The following ADGRB3 variants were observed in gnomAD, a reference collection of about 807,000 sequenced individuals.
ADGRB3 encodes adhesion G protein-coupled receptor B3, also known as brain-specific angiogenesis inhibitor 3.
A neutral mutation model predicts 193.4 loss-of-function variants in ADGRB3; 37 were observed. The ratio of observed to expected loss-of-function variants is 0.19; its 90% CI spans 0.15 to 0.25. The LOEUF is 0.25. ADGRB3 is among the 10% of genes least tolerant of loss of function. ADGRB3 has a pLI of 1.00. For missense variants in ADGRB3, 1,637 were observed against 1,852.9 expected (o/e 0.88, Z 2.14); for synonymous variants, 690 against 644.2 (o/e 1.07, Z -1.08).
At chr6:68,691,415 C>A (rs1426700719) in intron 3 of ADGRB3, among the ~76,000 whole-genome samples, 1 of 151,978 alleles carries the variant, frequency 6.6e-6, no homozygotes, top group Non-Finnish European at 1.5e-5. Flanking sequence ...TTTTATTCCT[C>A]TCAGGGAAAT....
intron 17 of ADGRB3, among the ~76,000 whole-genome samples, chr6:69,110,163 G>A (rs1773330838): frequency 1.3e-5 from 2 of 152,030 alleles, no homozygotes; most frequent in South Asian, 4.1e-4. Flanking sequence ...GGCCAGGCTG[G>A]TCTTGAACTC....
intron 17 of ADGRB3, among the ~76,000 whole-genome samples, chr6:69,230,986 G>A (rs1766122104): frequency 6.6e-6 from 1 of 152,230 alleles, no homozygotes; most frequent in Non-Finnish European, 1.5e-5. Context: ...CCTAGAGAAA[G>A]TGTGCATGAA....
chr6:68,818,384 C>A (rs1003330098), intron 3 of ADGRB3, among the ~76,000 whole-genome samples: 2 of 152,110 alleles, frequency 1.3e-5, no homozygotes, highest in Non-Finnish European at 2.9e-5. Flanking sequence ...GCCTGGCACA[C>A]AGCAGATCCT....
rs183733831 is a variant in ADGRB3 at position 69,057,724 on chromosome 6, T to G, written c.2334-5210T>G. On this transcript the variant is annotated intron_variant, in intron 15 of 31. Transcript: ENST00000370598. Reference sequence around the variant, plus strand: ...TTTGATCTTCATTCTGTAAATGTGATGTATTACACTGATTGATTCTCATTT... The same window carrying G: ...TTTGATCTTCATTCTGTAAATGTGAGGTATTACACTGATTGATTCTCATTT... 1.3e-3 allele frequency among the ~76,000 whole-genome samples: 191 copies of G among 152,222 alleles called. 1 individual carries two copies. Among genetic ancestry groups the G allele is most frequent in the African/African-American group, 4.5e-3 (188 of 41,582 alleles).
chr6:68,819,901 C>A lies in ADGRB3; in HGVS notation c.758-110658C>A, dbSNP rs149274161. Among the ~76,000 whole-genome samples the A allele has an allele frequency of 1.5e-3, 229 of 152,154 alleles. 6 individuals carry two copies. The East Asian group carries it at 0.042, about 28-fold the overall frequency. On this transcript the variant is annotated intron_variant, in intron 3 of 31. Coordinates refer to ENST00000370598, the MANE Select transcript of ADGRB3 (RefSeq NM_001704.3). ...AGTTACATCTTATTTCCCCGAATAT[C>A]ATCAAATACTTTTATTTCCATTAGC...
chr6:69,221,357 G>A (rs1765890049), intron 17 of ADGRB3, among the ~76,000 whole-genome samples: 1 of 152,064 alleles, frequency 6.6e-6, no homozygotes, highest in South Asian at 2.1e-4. Flanking sequence ...TTTCCTTTCA[G>A]CATGTGCTAT....
chr6:69,321,608 T>C (rs138762220), intron 20 of ADGRB3, among the ~76,000 whole-genome samples: 2 of 151,866 alleles, frequency 1.3e-5, no homozygotes, highest in African/African-American at 2.4e-5. Context: ...TGAGGGGATC[T>C]AAGGGATGAT....
chr6:68,917,586 T>C (rs1482878606), intron 3 of ADGRB3, among the ~76,000 whole-genome samples: 2 of 152,192 alleles, frequency 1.3e-5, no homozygotes, highest in East Asian at 3.8e-4. Flanking sequence ...AACTCAATAT[T>C]GAAGTTTGAT....
intron 3 of ADGRB3, among the ~76,000 whole-genome samples, chr6:68,803,157 C>G (rs11756306): frequency 0.1 from 15,419 of 152,130 alleles, 924 homozygotes; most frequent in Middle Eastern, 0.15. Flanking sequence ...GATTGCCCTT[C>G]TAATCCTTCT....
At chr6:68,832,478 A>C (rs895111632) in intron 3 of ADGRB3, among the ~76,000 whole-genome samples, 2 of 152,168 alleles carry the variant, frequency 1.3e-5, no homozygotes, top group African/African-American at 4.8e-5. Flanking sequence ...TTGCCTCTAG[A>C]CCCAAAGTCT....
intron 17 of ADGRB3, among the ~76,000 whole-genome samples, chr6:69,089,783 A>G (rs1026412514): frequency 6.6e-6 from 1 of 152,178 alleles, no homozygotes; most frequent in Admixed American, 6.6e-5. Context: ...TTGACACTGC[A>G]GGGTGTTAAG....
intron 13 of ADGRB3, among the ~76,000 whole-genome samples, chr6:69,026,258 G>C (rs1271323659): frequency 6.6e-6 from 1 of 152,186 alleles, no homozygotes; most frequent in Admixed American, 6.5e-5. Context: ...CGAGTCAAGA[G>C]AGCAGTGTCA....
At chr6:69,142,213 T>C (rs771530793) in intron 17 of ADGRB3, among the ~76,000 whole-genome samples, 1 of 152,152 alleles carries the variant, frequency 6.6e-6, no homozygotes, top group Non-Finnish European at 1.5e-5. Context: ...ATAATATCTT[T>C]AGTTAGAGTA....
At chr6:69,133,872 A>G (rs1217692723) in intron 17 of ADGRB3, among the ~76,000 whole-genome samples, 1 of 151,946 alleles carries the variant, frequency 6.6e-6, no homozygotes, top group Non-Finnish European at 1.5e-5. Flanking sequence ...AAAGTCCACC[A>G]TATCATTCTT....
chr6:68,906,557 G>T (rs1344928324), intron 3 of ADGRB3, among the ~76,000 whole-genome samples: 4 of 151,856 alleles, frequency 2.6e-5, no homozygotes, highest in African/African-American at 9.7e-5. Flanking sequence ...AATAAAAATG[G>T]TCAAATTGTT....
chr6:69,174,969 G>C (rs1775382624), intron 17 of ADGRB3, among the ~76,000 whole-genome samples: 2 of 152,012 alleles, frequency 1.3e-5, no homozygotes, highest in Non-Finnish European at 2.9e-5. Flanking sequence ...TTTGCTTTTT[G>C]CTTGTTGAAT....
intron 3 of ADGRB3, among the ~76,000 whole-genome samples, chr6:68,776,108 G>C (rs1372352928): frequency 6.6e-6 from 1 of 152,092 alleles, no homozygotes; most frequent in African/African-American, 2.4e-5. Flanking sequence ...CATAGGCTCT[G>C]TTTCTGCAAC....
intron 8 of ADGRB3, 43 bp downstream of exon 8, chr6:68,956,852 CGTG>C: frequency 6.6e-7 from 1 of 1,513,230 alleles, no homozygotes; most frequent in Admixed American, 2.0e-5. Context: ...CATTTCATAA[CGTG>C]AAAAAAAAAA....
At chr6:69,328,924 A>G (rs1159658940) in intron 22 of ADGRB3, among the ~76,000 whole-genome samples, 1 of 152,178 alleles carries the variant, frequency 6.6e-6, no homozygotes, top group Non-Finnish European at 1.5e-5. Context: ...AAGTAAGGTT[A>G]TATATGTGAT....
Sources: allele counts gnomAD v4.1 joint callset (sites outside exome capture counted in the v4.1 genomes callset), GRCh38; gene constraint gnomAD v4.1.1; transcripts MANE v1.5; gene names NCBI Gene and HGNC (gene_info 2026-07-23, HGNC 2026-07-21).